Variants in CNKSR2 observed in about 807,000 individuals in gnomAD.
The protein encoded by CNKSR2 is CNK homolog protein 2.
In CNKSR2, 14 loss-of-function variants were observed where a neutral mutation model predicts 84.4. The observed-to-expected ratio is 0.17, with a 90% CI of 0.11 to 0.26. CNKSR2 has a LOEUF of 0.26. Among genes scored for constraint, CNKSR2 ranks in the 10% least tolerant of loss-of-function variants. The pLI is 1.00. For synonymous variants in CNKSR2, 275 were observed against 277.9 expected, an observed-to-expected ratio of 0.99 and a Z score of 0.10; for missense variants, 485 against 771.2, an observed-to-expected ratio of 0.63 and a Z score of 4.40.
At chrX:21,563,527 T>C (rs1601952891) in intron 13 of CNKSR2, 75 bp downstream of exon 13, 2 of 773,336 alleles carry the variant, frequency 2.6e-6, no homozygotes, top group Non-Finnish European at 1.8e-6. Context: ...GGGTAAAGTC[T>C]AGGTTATTTT....
At chrX:21,622,576 T>C (rs1035856026) in intron 20 of CNKSR2, among the ~76,000 whole-genome samples, 1 of 111,862 alleles carries the variant, frequency 8.9e-6, no homozygotes, top group African/African-American at 3.2e-5. Context: ...ATGTGTTCTT[T>C]CTCCTCACCA....
At position 21,561,507 on chromosome X, in the gene CNKSR2, A is replaced by G. The variant is rs1361521899; in HGVS notation, c.1340A>G (p.Asn447Ser). Residue 447 changes from asparagine to serine, a missense_variant, in exon 12 of 22, where the codon AAT (asparagine) becomes AGT (serine). Transcript: ENST00000379510. ...LRPISMPVEY[N>S]WVGDYEDPNK... ...CCTATATCTATGCCAGTGGAATATA[A>G]TTGGGTGGGGGACTATGAAGATCCA... 1 of 1,207,595 alleles carries G rather than the reference A, an allele frequency of 8.3e-7. No homozygotes were observed. Among genetic ancestry groups the G allele is most frequent in the East Asian group, 3.0e-5 (1 of 33,718 alleles).
At chrX:21,550,806 C>T (rs1013016638) in intron 11 of CNKSR2, among the ~76,000 whole-genome samples, 2 of 110,723 alleles carry the variant, frequency 1.8e-5, no homozygotes. Flanking sequence ...GAGGCAGAGG[C>T]GGGTGGATTG....
chrX:21,510,464 A>G (rs1188062611), intron 8 of CNKSR2, among the ~76,000 whole-genome samples: 1 of 111,481 alleles, frequency 9.0e-6, no homozygotes, highest in Non-Finnish European at 1.9e-5. Flanking sequence ...ATGTTAGTCA[A>G]ATAACTCACC....
intron 20 of CNKSR2, among the ~76,000 whole-genome samples, chrX:21,622,000 A>G (rs1427362065): frequency 9.0e-6 from 1 of 110,800 alleles, no homozygotes; most frequent in East Asian, 2.8e-4. Flanking sequence ...GAATGCTGAC[A>G]GTAGCCCTAA....
chrX:21,405,493 A>G (rs1395746502), intron 1 of CNKSR2, among the ~76,000 whole-genome samples: 1 of 111,388 alleles, frequency 9.0e-6, no homozygotes, highest in Non-Finnish European at 1.9e-5. Flanking sequence ...CTGCTCTTGT[A>G]TTTGACTACC....
At chrX:21,499,316 G>T (rs941399664) in intron 7 of CNKSR2, among the ~76,000 whole-genome samples, 1 of 111,628 alleles carries the variant, frequency 9.0e-6, no homozygotes, top group African/African-American at 3.2e-5. Flanking sequence ...CTAGTTTGGT[G>T]CCATCAAGGC....
chrX:21,577,112 C>T (rs184179395), intron 13 of CNKSR2, among the ~76,000 whole-genome samples: 262 of 111,298 alleles, frequency 2.4e-3, no homozygotes, highest in African/African-American at 7.6e-3. Context: ...TTTTTATTTC[C>T]TCAATTTTTA....
chrX:21,452,912 A>T (rs1277798160), intron 4 of CNKSR2, among the ~76,000 whole-genome samples: 2 of 108,780 alleles, frequency 1.8e-5, no homozygotes, highest in African/African-American at 6.7e-5. Context: ...ATGATGTGTA[A>T]CCACTAGTCA....
intron 1 of CNKSR2, among the ~76,000 whole-genome samples, chrX:21,415,063 A>T: frequency 9.0e-6 from 1 of 111,419 alleles, no homozygotes; most frequent in Non-Finnish European, 1.9e-5. Flanking sequence ...ACATTTTAGG[A>T]TGGTCTTTTT....
chrX:21,501,305 TATTA>T (rs1277863297), intron 7 of CNKSR2, among the ~76,000 whole-genome samples: 4 of 109,887 alleles, frequency 3.6e-5, no homozygotes, highest in African/African-American at 9.8e-5. Flanking sequence ...AACTATTTTT[TATTA>T]ATTTTTTTCT....
At chrX:21,568,642 T>G (rs1409931959) in intron 13 of CNKSR2, among the ~76,000 whole-genome samples, 2 of 111,401 alleles carry the variant, frequency 1.8e-5, no homozygotes, top group Non-Finnish European at 3.8e-5. Context: ...TTAAAAAACA[T>G]TTTTATTTTT....
intron 11 of CNKSR2, among the ~76,000 whole-genome samples, chrX:21,552,598 A>C (rs142903259): frequency 0.01 from 1,135 of 112,191 alleles, 14 homozygotes; most frequent in African/African-American, 0.033. Flanking sequence ...TCTGTTCTCA[A>C]TATTTAAGCC....
At chrX:21,500,825 C>G (rs765588204) in intron 7 of CNKSR2, among the ~76,000 whole-genome samples, 4 of 111,301 alleles carry the variant, frequency 3.6e-5, no homozygotes, top group East Asian at 5.6e-4. Flanking sequence ...TGTGGTTTTA[C>G]TGTCCAGTGT....
rs537113833 is a variant in CNKSR2, at chrX:21,523,353, C to G, written c.958-3514C>G. 2.7e-5 allele frequency among the ~76,000 whole-genome samples: 3 copies of G among 111,141 alleles called. No homozygotes were observed. The Admixed American group carries it at 2.9e-4, about 11-fold the overall frequency. ...TAACAAGATGTAATCCTAAAGCAGT[C>G]CCTTTGTATTGTATCCATTTTATCC... On this transcript the variant is annotated intron_variant, in intron 9 of 21. Transcript: ENST00000379510.
At chrX:21,510,597 T>G (rs1396310196) in intron 8 of CNKSR2, among the ~76,000 whole-genome samples, 2 of 111,242 alleles carry the variant, frequency 1.8e-5, no homozygotes, top group Non-Finnish European at 1.9e-5. Flanking sequence ...AAGCCTCTTG[T>G]GCACCTAATC....
intron 13 of CNKSR2, among the ~76,000 whole-genome samples, chrX:21,586,174 A>G (rs747479074): frequency 7.2e-5 from 8 of 111,682 alleles, no homozygotes; most frequent in African/African-American, 2.6e-4. Context: ...AATGAGTATC[A>G]GAGAACCAAT....
chrX:21,629,565 CAA>C (rs2092638576), intron 20 of CNKSR2, among the ~76,000 whole-genome samples: 1 of 111,719 alleles, frequency 9.0e-6, no homozygotes, highest in African/African-American at 3.3e-5. Context: ...TGGGGTCAGG[CAA>C]AGAGAGAGAG....
chrX:21,570,690 T>C (rs972309006), intron 13 of CNKSR2, among the ~76,000 whole-genome samples: 6 of 112,199 alleles, frequency 5.3e-5, no homozygotes, highest in African/African-American at 1.6e-4. Flanking sequence ...GAGGCCATCG[T>C]AGGGTTAATT....
Sources: gnomAD v4.1 joint callset for allele counts (sites outside exome capture counted in the v4.1 genomes callset) on GRCh38, gnomAD v4.1.1 for gene constraint, MANE v1.5 for transcripts, NCBI Gene and HGNC (gene_info 2026-07-23, HGNC 2026-07-21) for gene names.